INO80D: variants seen among roughly 807,000 people sequenced by gnomAD.
INO80D encodes INO80 complex subunit D.
INO80D carries 21 observed loss-of-function variants against 87.6 expected under a neutral mutation model. That is an observed-to-expected ratio of 0.24 (90% CI 0.17 to 0.35). The LOEUF is 0.35. Among genes scored for constraint, INO80D ranks in the 10% least tolerant of loss-of-function variants. INO80D has a pLI of 1.00. For missense variants in INO80D, 982 were observed against 1,280.7 expected, an observed-to-expected ratio of 0.77 and a Z score of 3.56; for synonymous variants, 440 against 491.0, an observed-to-expected ratio of 0.90 and a Z score of 1.37.
chr2:206,074,203 A>G (rs1432701986), intron 1 of INO80D, among the ~76,000 whole-genome samples: 1 of 152,230 alleles, frequency 6.6e-6, no homozygotes, highest in Non-Finnish European at 1.5e-5. Flanking sequence ...GCAGCAGAAT[A>G]TACACTGTTA....
chr2:205,994,163 T>C lies in INO80D; in HGVS notation c.*10205A>G, dbSNP rs1393835277. ...CTCCTCATCTTGCTCCTACAGTCTG[T>C]GCAGAAACAAGTGGCTCCTAACTTT... On this transcript the variant is annotated 3_prime_UTR_variant, in exon 11 of 11. Coordinates refer to ENST00000403263, the MANE Select transcript of INO80D (RefSeq NM_017759.5). The C allele has an allele frequency of 6.6e-6, 1 of 152,194 alleles. No homozygotes were observed. The highest frequency in any genetic ancestry group is 1.5e-5 in the Non-Finnish European group (1 of 68,038). 9.4% of individuals were successfully genotyped at this position (152,194 alleles called of 1,614,324 possible).
intron 1 of INO80D, among the ~76,000 whole-genome samples, chr2:206,076,328 T>C (rs1264322975): frequency 2.6e-5 from 4 of 152,200 alleles, no homozygotes; most frequent in African/African-American, 9.7e-5. Context: ...ATATTTAGAG[T>C]ATCATAAAGT....
intron 4 of INO80D, 90 bp from the exon 5 acceptor site, chr2:206,046,702 A>G (rs1689205037): frequency 2.6e-6 from 2 of 763,594 alleles, no homozygotes; most frequent in East Asian, 2.7e-5. Flanking sequence ...ACATAACCCA[A>G]CATACCTATT....
In INO80D at chr2:206,075,039, C is replaced by CAAAAAAAAAAA. The variant is rs56081344; in HGVS notation, c.-124+10851_-124+10861dup. ...GGATGACAAGAGCGAAACTCCATCTCAAAAAAAAAAAAAAAATTCCTCTTT... is the reference window on the plus strand; with the variant it reads ...GGATGACAAGAGCGAAACTCCATCTCAAAAAAAAAAAAAAAAAAAAAAAAAAATTCCTCTTT... On this transcript the variant is annotated intron_variant, in intron 1 of 10. Coordinates refer to ENST00000403263, the MANE Select transcript of INO80D (RefSeq NM_017759.5). Among the ~76,000 whole-genome samples, 74 of 117,688 alleles carry CAAAAAAAAAAA rather than the reference C, an allele frequency of 6.3e-4. 2 individuals are homozygous for CAAAAAAAAAAA. The highest frequency in any genetic ancestry group is 2.2e-3 in the African/African-American group (65 of 29,848). 77.2% of individuals were successfully genotyped at this position (117,688 alleles called of 152,430 possible).
chr2:206,056,637 G>A lies in INO80D; in HGVS notation c.525C>T (p.Ala175=), dbSNP rs761220842. ...TVRKKLQSKL[A]QNRQRQRETE... Reference sequence around the variant, plus strand: ...TCTCTCTCTGGCGCTGCCGATTCTGGGCCAACTTGCTCTGCAACTTCTTTC... The same window carrying A: ...TCTCTCTCTGGCGCTGCCGATTCTGAGCCAACTTGCTCTGCAACTTCTTTC... The change falls in exon 4 of 11, where the codon GCC becomes GCT. Residue 175 remains alanine, a synonymous_variant. Transcript: ENST00000403263. The A allele has an allele frequency of 3.4e-5, 55 of 1,611,600 alleles. 1 individual carries two copies. The East Asian group carries it at 8.7e-4, about 25-fold the overall frequency.
At chr2:206,022,698 T>C (rs1688497731) in intron 6 of INO80D, among the ~76,000 whole-genome samples, 1 of 152,208 alleles carries the variant, frequency 6.6e-6, no homozygotes, top group African/African-American at 2.4e-5. Context: ...ACTAACATTA[T>C]TTAGCTTGTA....
chr2:206,019,964 G>T, intron 6 of INO80D, 119 bp from the exon 7 acceptor site: 1 of 591,494 alleles, frequency 1.7e-6, no homozygotes, highest in Non-Finnish European at 2.9e-6. Flanking sequence ...AACATCTACA[G>T]TCACTAAATA....
chr2:206,077,741 T>C (rs746015781), intron 1 of INO80D, among the ~76,000 whole-genome samples: 2 of 152,168 alleles, frequency 1.3e-5, no homozygotes, highest in Non-Finnish European at 2.9e-5. Context: ...CAAAGTTCTT[T>C]TGTGCTAAAA....
chr2:206,006,642 C>T (rs1042944413), intron 10 of INO80D, among the ~76,000 whole-genome samples: 20 of 147,070 alleles, frequency 1.4e-4, no homozygotes, highest in African/African-American at 5.1e-4. Context: ...AAAATGGCGC[C>T]ACTACATTCC....
chr2:206,033,712 A>G (rs1688825789), intron 5 of INO80D, among the ~76,000 whole-genome samples: 1 of 152,180 alleles, frequency 6.6e-6, no homozygotes, highest in African/African-American at 2.4e-5. Context: ...ACCCAAACCC[A>G]GCAGAAGAAA....
chr2:206,042,680 C>CAAAA (rs55655831), intron 5 of INO80D, among the ~76,000 whole-genome samples: 46 of 126,234 alleles, frequency 3.6e-4, no homozygotes, highest in South Asian at 1.2e-3. Context: ...GACTTTGTCT[C>CAAAA]AAAAAAAAAA....
intron 6 of INO80D, among the ~76,000 whole-genome samples, chr2:206,022,924 C>T (rs1014878246): frequency 3.9e-5 from 6 of 152,126 alleles, no homozygotes; most frequent in South Asian, 2.1e-4. Flanking sequence ...CCAGGCCGGG[C>T]GCAGTGGCTC....
chr2:206,076,611 T>C (rs1690122855), intron 1 of INO80D, among the ~76,000 whole-genome samples: 1 of 152,188 alleles, frequency 6.6e-6, no homozygotes, highest in South Asian at 2.1e-4. Context: ...AACCAGAATA[T>C]TTTAAAATAA....
Position 206,071,256 on chromosome 2 carries a change from C to T in INO80D, c.-123-8012G>A, listed in dbSNP as rs1405282429. On this transcript the variant is annotated intron_variant, in intron 1 of 10. Coordinates refer to ENST00000403263, the MANE Select transcript of INO80D (RefSeq NM_017759.5). ...TTACAGGCATAAGCACCACGCCCGG[C>T]CTTTTTTTTTTTTTTTTTTTTTTTT... 5.0e-5 allele frequency among the ~76,000 whole-genome samples: 5 copies of T among 100,464 alleles called. 1 individual carries two copies. The Admixed American group carries it at 5.9e-4, about 12-fold the overall frequency. The allele number at this position is 100,464 out of a possible 152,430, so 65.9% of individuals were successfully genotyped here.
rs775557293 is a variant in INO80D, at chr2:206,056,355, G to A, written c.807C>T (p.Ser269=). Residue 269 remains serine (S), a synonymous_variant, in exon 4 of 11, where the codon TCC becomes TCT. Transcript: ENST00000403263. ...GTGGGTCCACAGTGGGAGCCCTACT[G>A]GATGGCAGGAGGGGCAGAGGCCTCT... is the stretch of plus-strand genomic sequence containing the variant. ...SHKRPLPLLP[S]SRAPTVDPPR... is the part of the protein sequence containing the mutation. The A allele has an allele frequency of 6.2e-7, 1 of 1,613,982 alleles. No individual in the cohort carries two copies. Among genetic ancestry groups the A allele is most frequent in the South Asian group, 1.1e-5 (1 of 91,082 alleles).
chr2:206,047,583 A>T (rs1455228031), intron 4 of INO80D, among the ~76,000 whole-genome samples: 1 of 152,130 alleles, frequency 6.6e-6, no homozygotes, highest in Non-Finnish European at 1.5e-5. Flanking sequence ...TACAAACAAG[A>T]GGGTGAGAAA....
chr2:206,071,166 T>C (rs1291055776), intron 1 of INO80D, among the ~76,000 whole-genome samples: 1 of 150,038 alleles, frequency 6.7e-6, no homozygotes, highest in Non-Finnish European at 1.5e-5. Context: ...ATCATATTGG[T>C]CAGGCTGGTC....
chr2:206,036,982 A>T (rs1397729957), intron 5 of INO80D, among the ~76,000 whole-genome samples: 1 of 152,204 alleles, frequency 6.6e-6, no homozygotes, highest in Non-Finnish European at 1.5e-5. Flanking sequence ...AAGGACATTA[A>T]TATTTCAAAC....
chr2:206,027,105 T>C (rs1468113489), intron 6 of INO80D, among the ~76,000 whole-genome samples: 1 of 152,210 alleles, frequency 6.6e-6, no homozygotes, highest in East Asian at 1.9e-4. Context: ...TTTTGCTTTT[T>C]AATATAAACA....
Sources: allele counts gnomAD v4.1 joint callset (sites outside exome capture counted in the v4.1 genomes callset), GRCh38; gene constraint gnomAD v4.1.1; transcripts MANE v1.5; gene names NCBI Gene and HGNC (gene_info 2026-07-23, HGNC 2026-07-21).